The following SCUBE2 variants were observed in gnomAD, a reference collection of about 807,000 sequenced individuals.
The protein encoded by SCUBE2 is signal peptide, CUB domain and EGF like domain containing 2.
Under a neutral mutation model 125.9 loss-of-function variants are expected in SCUBE2, and 114 were observed. The observed-to-expected ratio is 0.91, with a 90% CI of 0.78 to 1.06. The LOEUF is 1.06. SCUBE2 is among the 50% of genes least tolerant of loss of function. The pLI is 0.00. For missense variants in SCUBE2, 1,255 were observed against 1,301.8 expected, an observed-to-expected ratio of 0.96 and a Z score of 0.55; for synonymous variants, 459 against 492.9, an observed-to-expected ratio of 0.93 and a Z score of 0.91.
In SCUBE2 at chr11:9,053,155, C is replaced by G. The variant is rs1858601467; in HGVS notation, c.1391G>C (p.Ser464Thr). ...SPRVSLHCGK[S>T]GGGDGCFLRC... Reference sequence around the variant, plus strand: ...GAGGAAGCACCCGTCTCCTCCACCACTCTTACCGCAGTGCAGGGACACACG... The same window carrying G: ...GAGGAAGCACCCGTCTCCTCCACCAGTCTTACCGCAGTGCAGGGACACACG... Residue 464 changes from serine (S) to threonine (T), a missense_variant, in exon 12 of 23, where the codon AGT becomes ACT. Coordinates refer to ENST00000649792, the MANE Select transcript of SCUBE2 (RefSeq NM_001367977.2). 6.2e-7 allele frequency: 1 copy of G among 1,614,122 alleles called. No individual in the cohort carries two copies. The highest frequency in any genetic ancestry group is 8.5e-7 in the Non-Finnish European group (1 of 1,180,048).
chr11:9,033,853 T>C, intron 16 of SCUBE2, 57 bp from the exon 17 acceptor site: 1 of 1,579,506 alleles, frequency 6.3e-7, no homozygotes, highest in Non-Finnish European at 8.7e-7. Context: ...GGAAGGATGA[T>C]GTGAGTTCTA....
chr11:9,033,822 CAG>C, intron 16 of SCUBE2, 26 bp from the exon 17 acceptor site: 2 of 1,612,260 alleles, frequency 1.2e-6, no homozygotes, highest in Admixed American at 3.3e-5. Context: ...ACAACCTGGT[CAG>C]TGTGGACACA....
In SCUBE2 at chr11:9,030,827, A is replaced by G. The variant is rs751282893; in HGVS notation, c.2272T>C (p.Phe758Leu). 2 of 1,614,080 alleles carry G rather than the reference A, an allele frequency of 1.2e-6. No homozygotes were observed. The highest frequency in any genetic ancestry group is 2.7e-5 in the African/African-American group (2 of 74,942). The change falls in exon 18 of 23, where the codon TTC (phenylalanine) becomes CTC (leucine). Residue 758 changes from phenylalanine (F) to leucine (L), a missense_variant. By Grantham distance (22) the Phe-to-Leu change is conservative. Transcript: ENST00000649792. ...FQPEAGRTSC[F>L]PCGGGLATKH... ...GTGGCAAGGCCTCCTCCACAGGGGA[A>G]GCAGGAAGTTCGACCAGCTTCAGGC...
At chr11:9,034,455 C>T (rs757442423) in intron 16 of SCUBE2, among the ~76,000 whole-genome samples, 7 of 152,230 alleles carry the variant, frequency 4.6e-5, no homozygotes, top group African/African-American at 1.4e-4. Flanking sequence ...TGGTGGTGTG[C>T]GTCTGTAGTC....
intron 5 of SCUBE2, among the ~76,000 whole-genome samples, chr11:9,068,519 C>T (rs1260803868): frequency 6.6e-6 from 1 of 152,172 alleles, no homozygotes; most frequent in African/African-American, 2.4e-5. Context: ...CACATCAACA[C>T]ACAAGTCAAC....
intron 17 of SCUBE2, among the ~76,000 whole-genome samples, chr11:9,032,551 T>C (rs1279827632): frequency 2.0e-5 from 3 of 152,104 alleles, no homozygotes; most frequent in Non-Finnish European, 2.9e-5. Context: ...CTGGCCAACA[T>C]AGCGAAACCC....
At chr11:9,034,302 G>A (rs959173754) in intron 16 of SCUBE2, among the ~76,000 whole-genome samples, 14 of 152,162 alleles carry the variant, frequency 9.2e-5, no homozygotes, top group African/African-American at 3.4e-4. Context: ...TTGGGAAAGG[G>A]GGCAGGTTCT....
rs1314421850 is a variant in SCUBE2 at position 9,021,949 on chromosome 11, TA to T, written c.2860del (p.Tyr954ThrfsTer8). The T allele has an allele frequency of 1.4e-5, 23 of 1,611,236 alleles. No individual in the cohort carries two copies. In the Admixed American group the frequency reaches 3.8e-4, roughly 27 times the overall value. ...AACTATGTCTTCAATGAGTTCCTGGTAGTCCTCTGTTGGAATAAAGAACATG... is the reference window on the plus strand; with the variant it reads ...AACTATGTCTTCAATGAGTTCCTGGTGTCCTCTGTTGGAATAAAGAACATG... ...QVPYVTYDED[Y>X]QELIEDIVRD... On this transcript the variant is annotated frameshift_variant, in exon 22 of 23. Transcript: ENST00000649792. LOFTEE classifies it high-confidence loss of function.
chr11:9,072,833 T>C (rs1336396316), intron 4 of SCUBE2, among the ~76,000 whole-genome samples: 2 of 152,230 alleles, frequency 1.3e-5, no homozygotes, highest in Non-Finnish European at 2.9e-5. Context: ...GTAGAAAATT[T>C]AGAAAACACA....
At chr11:9,058,568 C>A in intron 9 of SCUBE2, among the ~76,000 whole-genome samples, 1 of 131,358 alleles carries the variant, frequency 7.6e-6, no homozygotes, top group East Asian at 2.3e-4. Flanking sequence ...TGCACTCCAG[C>A]CTGGGTGACA....
At chr11:9,090,083 G>T (rs1301811060) in intron 1 of SCUBE2, among the ~76,000 whole-genome samples, 1 of 152,018 alleles carries the variant, frequency 6.6e-6, no homozygotes, top group Admixed American at 6.6e-5. Flanking sequence ...CCTCCTCCAG[G>T]AAGCCTGCCA....
chr11:9,047,223 CAG>C lies in SCUBE2; in HGVS notation c.2002+131_2002+132del. On this transcript the variant is annotated intron_variant, in intron 16 of 22. Transcript: ENST00000649792. ...GACACAAACGCAACAGTTACTGAAA[CAG>C]AAGCACTGCCCGGAGTGTTCTCTAA... The C allele has an allele frequency of 4.5e-6, 4 of 880,858 alleles. No individual in the cohort carries two copies. The South Asian group carries it at 6.5e-5, about 14-fold the overall frequency. The allele number at this position is 880,858 out of a possible 1,614,324, so 54.6% of individuals were successfully genotyped here.
intron 7 of SCUBE2, among the ~76,000 whole-genome samples, chr11:9,061,563 A>C (rs989897322): frequency 1.4e-5 from 2 of 138,602 alleles, no homozygotes; most frequent in Non-Finnish European, 3.2e-5. Flanking sequence ...TGTCTCAAGA[A>C]AAGAAAAGAA....
chr11:9,089,045 A>G (rs1218097203), intron 2 of SCUBE2, among the ~76,000 whole-genome samples: 2 of 152,222 alleles, frequency 1.3e-5, no homozygotes, highest in African/African-American at 4.8e-5. Flanking sequence ...TCGAGTGTCC[A>G]GTCTCTGGCC....
At chr11:9,075,229 CCTT>C (rs1861126670) in intron 3 of SCUBE2, among the ~76,000 whole-genome samples, 2 of 138,026 alleles carry the variant, frequency 1.4e-5, no homozygotes, top group Admixed American at 1.5e-4. Context: ...AAAAAAAAAT[CCTT>C]CTCTCTAGGA....
rs570585793 is a variant in SCUBE2 at position 9,019,533 on chromosome 11, G to A, written c.*1512C>T. Among the ~76,000 whole-genome samples, 1 of 151,498 alleles carries A rather than the reference G, an allele frequency of 6.6e-6. No homozygotes were observed. The highest frequency in any genetic ancestry group is 1.9e-4 in the East Asian group (1 of 5,164). On this transcript the variant is annotated 3_prime_UTR_variant, in exon 23 of 23. Transcript: ENST00000649792. Reference sequence around the variant, plus strand: ...ATGCTATTTTTTTTTTAATGATGATGTTCAAACTTTTGAAGAGAAATCTGA... The same window carrying A: ...ATGCTATTTTTTTTTTAATGATGATATTCAAACTTTTGAAGAGAAATCTGA...
At chr11:9,075,150 C>T (rs796322699) in intron 3 of SCUBE2, among the ~76,000 whole-genome samples, 14 of 146,528 alleles carry the variant, frequency 9.6e-5, no homozygotes, top group African/African-American at 3.5e-4. Flanking sequence ...GAGGTTGCAG[C>T]GAGCCGAGAT....
chr11:9,028,049 T>A (rs970874941), intron 19 of SCUBE2, among the ~76,000 whole-genome samples: 50 of 152,274 alleles, frequency 3.3e-4, no homozygotes, highest in African/African-American at 1.1e-3. Flanking sequence ...ATTCATCTTT[T>A]AAAAAAATTA....
rs768263838 is a variant in SCUBE2, at chr11:9,030,024, A to T, written c.2363T>A (p.Phe788Tyr). The T allele has an allele frequency of 6.2e-7, 1 of 1,614,234 alleles. No homozygotes were observed. Among genetic ancestry groups the T allele is most frequent in the East Asian group, 2.2e-5 (1 of 44,892 alleles). ...ACATCGGTGAGTGGTGGTGTTGTAG[A>T]AATGTCCAGGTGAACATTGAACTGT... is the stretch of plus-strand genomic sequence containing the variant. The part of the protein sequence containing the change: ...ETRVQCSPGH[F>Y]YNTTTHRCIR... Residue 788 changes from phenylalanine to tyrosine, a missense_variant, in exon 19 of 23, where the codon TTC (phenylalanine) becomes TAC (tyrosine). Physicochemically the swap from Phe to Tyr is conservative, Grantham distance 22 (BLOSUM62 3). This residue lies in a region of SCUBE2 where 515 missense variants were observed against 515.7 expected (regional missense o/e 1.00). Coordinates refer to ENST00000649792, the MANE Select transcript of SCUBE2 (RefSeq NM_001367977.2).
Sources: allele counts gnomAD v4.1 joint callset (sites outside exome capture counted in the v4.1 genomes callset), GRCh38; gene constraint gnomAD v4.1.1; regional missense constraint gnomAD v4.1.1; transcripts MANE v1.5; gene names NCBI Gene and HGNC (gene_info 2026-07-23, HGNC 2026-07-21).